The following TECPR2 variants were observed in gnomAD, a reference collection of about 807,000 sequenced individuals.
TECPR2 encodes tectonin beta-propeller repeat containing 2.
In TECPR2, 65 loss-of-function variants were observed where a neutral mutation model predicts 138.1. The observed-to-expected ratio is 0.47, with a 90% CI of 0.39 to 0.58. The LOEUF is 0.58. Ranked by LOEUF, TECPR2 falls within the 20% of genes least tolerant of loss-of-function variation. The pLI is 0.00. For synonymous variants in TECPR2, 746 were observed against 749.8 expected (o/e 0.99, Z 0.08); for missense variants, 1,553 against 1,824.5 (o/e 0.85, Z 2.71).
chr14:102,438,264 G>T, intron 10 of TECPR2, 59 bp downstream of exon 10: 1 of 1,545,374 alleles, frequency 6.5e-7, no homozygotes. Flanking sequence ...CCTGCTCCCC[G>T]CCCCCGGGGT....
chr14:102,407,856 G>A (rs977254899), intron 3 of TECPR2, among the ~76,000 whole-genome samples: 3 of 152,180 alleles, frequency 2.0e-5, no homozygotes, highest in African/African-American at 7.2e-5. Flanking sequence ...AATTAGCCGG[G>A]TGTGGTGGCG....
chr14:102,367,389 C>A (rs375165347), intron 1 of TECPR2, among the ~76,000 whole-genome samples: 1 of 152,144 alleles, frequency 6.6e-6, no homozygotes, highest in African/African-American at 2.4e-5. Context: ...AAGGAAACTC[C>A]GTACCCTTCA....
At chr14:102,495,744 C>G (rs1292508708) in intron 17 of TECPR2, among the ~76,000 whole-genome samples, 1 of 152,252 alleles carries the variant, frequency 6.6e-6, no homozygotes, top group African/African-American at 2.4e-5. Flanking sequence ...ATGTCCTGAT[C>G]CACTGGGACT....
intron 2 of TECPR2, among the ~76,000 whole-genome samples, chr14:102,379,915 A>G (rs1303318531): frequency 6.7e-6 from 1 of 149,594 alleles, no homozygotes; most frequent in East Asian, 2.0e-4. Context: ...CACCATCTTA[A>G]AATCCATGCA....
At chr14:102,482,564 T>C (rs1408764147) in intron 17 of TECPR2, among the ~76,000 whole-genome samples, 2 of 152,224 alleles carry the variant, frequency 1.3e-5, no homozygotes, top group Admixed American at 1.3e-4. Context: ...TCCCCTCATG[T>C]TAGAGCCCCT....
rs148411427 is a variant in TECPR2, at chr14:102,450,201, A to G, written c.3316+332A>G. Among the ~76,000 whole-genome samples, 434 of 152,332 alleles carry G rather than the reference A, an allele frequency of 2.8e-3. 3 individuals carry two copies. The highest frequency in any genetic ancestry group is 9.6e-3 in the African/African-American group (397 of 41,570). On this transcript the variant is annotated intron_variant, in intron 14 of 19. Transcript: ENST00000359520. ...CAAACCTAGTGAGAGAGAATGGTCCACTTCCTGGAGGGAAGGTGATCGCCA... is the reference window on the plus strand; with the variant it reads ...CAAACCTAGTGAGAGAGAATGGTCCGCTTCCTGGAGGGAAGGTGATCGCCA...
intron 17 of TECPR2, among the ~76,000 whole-genome samples, chr14:102,480,318 G>A (rs1049281479): frequency 1.3e-5 from 2 of 151,526 alleles, no homozygotes; most frequent in African/African-American, 4.8e-5. Context: ...TCCACCTCCC[G>A]GGTTCACGCC....
At chr14:102,391,100 C>T (rs1358710197) in intron 2 of TECPR2, among the ~76,000 whole-genome samples, 1 of 152,140 alleles carries the variant, frequency 6.6e-6, no homozygotes, top group African/African-American at 2.4e-5. Context: ...ACCCTGTTGC[C>T]CAGGCTGGAG....
In TECPR2 at chr14:102,500,552, A is replaced by G. The variant is rs1891416107; in HGVS notation, c.*2295A>G. 1.3e-5 allele frequency: 2 copies of G among 152,324 alleles called. No homozygotes were observed. The allele number at this position is 152,324 out of a possible 1,614,324, so 9.4% of individuals were successfully genotyped here. A position where few individuals can be genotyped will look rare whatever the true frequency, so the allele number is the denominator to read the frequency against. On this transcript the variant is annotated 3_prime_UTR_variant, in exon 20 of 20. Transcript: ENST00000359520. ...TGCTGGAAACCAGCACACGCAAAAG[A>G]TGACGCCCAGCACAGCAGCAGGACA...
chr14:102,443,627 T>G lies in TECPR2; in HGVS notation c.2753-20T>G, dbSNP rs993876760. The G allele has an allele frequency of 6.5e-7, 1 of 1,532,752 alleles. No individual in the cohort carries two copies. Among genetic ancestry groups the G allele is most frequent in the Non-Finnish European group, 8.9e-7 (1 of 1,126,218 alleles). 94.9% of individuals were successfully genotyped at this position (1,532,752 alleles called of 1,614,324 possible). ...GTTCTGACTGTGTGTCTTTGGGGCT[T>G]CTTCCCATCTTCCTGGCAGGTCTGA... On this transcript the variant is annotated intron_variant, in intron 11 of 19. Transcript: ENST00000359520. The surrounding 1 kb of genome is among the most constrained non-coding windows in gnomAD (Gnocchi z 4.9).
rs1889964280 is a variant in TECPR2, at chr14:102,445,926, A to G, written c.3054A>G (p.Gly1018=). Residue 1018 remains glycine, a synonymous_variant, in exon 13 of 20, where the codon GGA becomes GGG. Transcript: ENST00000359520. Reference sequence around the variant, plus strand: ...GCATTATTTCCAAGAAGCCCCAAGGAGATGACGACCATTGGTGGCAAGTAG... The same window carrying G: ...GCATTATTTCCAAGAAGCCCCAAGGGGATGACGACCATTGGTGGCAAGTAG... The part of the protein sequence containing the change: ...RTGIISKKPQ[G]DDDHWWQVSI... 1.9e-6 allele frequency: 3 copies of G among 1,613,884 alleles called. No homozygotes were observed. The highest frequency in any genetic ancestry group is 2.5e-6 in the Non-Finnish European group (3 of 1,179,916).
chr14:102,429,346 T>C (rs980568529), intron 7 of TECPR2, among the ~76,000 whole-genome samples: 10 of 152,202 alleles, frequency 6.6e-5, no homozygotes, highest in African/African-American at 2.4e-4. Context: ...GTGGGATTAA[T>C]GCTCCAAAAG....
At chr14:102,437,926 G>A (rs1046743263) in intron 9 of TECPR2, 96 bp from the exon 10 acceptor site, 13 of 1,405,908 alleles carry the variant, frequency 9.2e-6, no homozygotes, top group Admixed American at 2.1e-5. Context: ...TTACCGTCTC[G>A]TGTTAATGAT....
In TECPR2 at chr14:102,434,358, G is replaced by A; in HGVS notation, c.1541G>A (p.Ser514Asn). 5.3e-6 allele frequency: 8 copies of A among 1,517,278 alleles called. No individual in the cohort carries two copies. Among genetic ancestry groups the A allele is most frequent in the Non-Finnish European group, 7.1e-6 (8 of 1,132,774 alleles). 94.0% of individuals were successfully genotyped at this position (1,517,278 alleles called of 1,614,324 possible). The change falls in exon 9 of 20, where the codon AGT (serine) becomes AAT (asparagine). Residue 514 changes from serine (S) to asparagine (N), a missense_variant. Physicochemically the swap from Ser to Asn is conservative, Grantham distance 46. Transcript: ENST00000359520. ...LLSMTSSVLG[S>N]SVDQLSAESP... Reference sequence around the variant, plus strand: ...TCGATGACCTCAAGTGTCCTGGGCAGTAGCGTGGATCAGTTAAGTGCAGAG... The same window carrying A: ...TCGATGACCTCAAGTGTCCTGGGCAATAGCGTGGATCAGTTAAGTGCAGAG...
chr14:102,449,611 C>T lies in TECPR2; in HGVS notation c.3076-18C>T, dbSNP rs1247432812. 11 of 1,612,474 alleles carry T rather than the reference C, an allele frequency of 6.8e-6. No homozygotes were observed. The highest frequency in any genetic ancestry group is 9.3e-6 in the Non-Finnish European group (11 of 1,178,854). On this transcript the variant is annotated intron_variant, in intron 13 of 19. Transcript: ENST00000359520. ...AACTGCTCTGACAGCAGGGCTTTTG[C>T]TTGTCTCCTCCTTCCAGGTGAGCAT...
At chr14:102,393,769 A>G (rs974305153) in intron 2 of TECPR2, among the ~76,000 whole-genome samples, 2 of 152,180 alleles carry the variant, frequency 1.3e-5, no homozygotes, top group Non-Finnish European at 2.9e-5. Context: ...CATGTGGGCC[A>G]GGCTGGTATC....
chr14:102,438,749 T>C (rs185984733), intron 10 of TECPR2, among the ~76,000 whole-genome samples: 66 of 152,336 alleles, frequency 4.3e-4, no homozygotes, highest in African/African-American at 1.3e-3. Context: ...TTCATGCTGC[T>C]GTTAGGCCAT....
intron 2 of TECPR2, among the ~76,000 whole-genome samples, chr14:102,403,966 C>G (rs558654579): frequency 6.6e-6 from 1 of 152,200 alleles, no homozygotes; most frequent in East Asian, 1.9e-4. Flanking sequence ...GGCACAATCA[C>G]AGCTCACTGC....
intron 4 of TECPR2, among the ~76,000 whole-genome samples, chr14:102,410,474 AAAAAAAATAAAAAATAAAAAAT>A (rs1343543279): frequency 7.3e-6 from 1 of 136,142 alleles, no homozygotes; most frequent in Non-Finnish European, 1.6e-5. Flanking sequence ...ATAAATTAAA[AAAAAAAATAAAAAATAAAAAAT>A]AAAAAAATAA....
Sources: gnomAD v4.1 joint callset for allele counts (sites outside exome capture counted in the v4.1 genomes callset) on GRCh38, gnomAD v4.1.1 for gene constraint, Gnocchi (gnomAD v3.1) non-coding constraint, MANE v1.5 for transcripts, NCBI Gene and HGNC (gene_info 2026-07-23, HGNC 2026-07-21) for gene names.